Variants in PODN observed in about 807,000 individuals in gnomAD.
PODN encodes podocan, also known as podocan proteoglycan.
A neutral mutation model predicts 52.7 loss-of-function variants in PODN; 40 were observed. The observed-to-expected ratio is 0.76, with a 90% confidence interval of 0.59 to 0.99. The LOEUF (loss-of-function observed/expected upper bound fraction) is 0.99. Ranked by LOEUF, PODN falls within the 50% of genes least tolerant of loss-of-function variation. The pLI, the probability that PODN is intolerant of heterozygous loss-of-function variation, is 0.00. For missense variants in PODN, 720 were observed against 815.1 expected, an observed-to-expected ratio of 0.88 and a Z score of 1.42; for synonymous variants, 396 against 377.9, an observed-to-expected ratio of 1.05 and a Z score of -0.56.
At chr1:53,077,647 C>T in intron 6 of PODN, 38 bp from the exon 7 acceptor site, 1 of 1,572,468 alleles carries the variant, frequency 6.4e-7, no homozygotes, top group Non-Finnish European at 8.7e-7. Context: ...GCCCTCGGCC[C>T]TCCCTCACAA....
chr1:53,082,258 G>A, intron 10 of PODN, 70 bp downstream of exon 10: 1 of 1,402,950 alleles, frequency 7.1e-7, no homozygotes, highest in Non-Finnish European at 9.3e-7. Context: ...CCTGGTAGAG[G>A]GTCTTTCTGT....
intron 1 of PODN, 35 bp downstream of exon 1, chr1:53,062,343 G>A: frequency 1.6e-6 from 2 of 1,230,688 alleles, no homozygotes; most frequent in South Asian, 4.2e-5. Flanking sequence ...GGGCCGAGGG[G>A]CCGGGGGCTG....
chr1:53,071,540 C>T lies in PODN; in HGVS notation c.318C>T (p.Asn106=), dbSNP rs746747876. The T allele has an allele frequency of 6.2e-7, 1 of 1,613,516 alleles. No homozygotes were observed. Among genetic ancestry groups the T allele is most frequent in the African/African-American group, 1.3e-5 (1 of 75,006 alleles). ...GCGGCCCCCTACCCCCCTAGAACAA[C>T]CAGCTGGAAAAGATCTACCCTGAGG... The part of the protein sequence containing the change: ...EHTNHLSLQN[N]QLEKIYPEEL... The change falls in exon 3 of 11, where the codon AAC becomes AAT. Residue 106 remains asparagine (N), a synonymous_variant. Coordinates refer to ENST00000312553, the MANE Select transcript of PODN (RefSeq NM_153703.5).
Position 53,080,895 on chromosome 1 carries a change from C to T in PODN, c.1661+19C>T, listed in dbSNP as rs907501369. ...TTCTCAGGTAGGAGCCCACTCGCGG[C>T]CCTGTACACACCCCCGTGGGGCCCA... On this transcript the variant is annotated intron_variant, in intron 9 of 10. Coordinates refer to ENST00000312553, the MANE Select transcript of PODN (RefSeq NM_153703.5). The T allele has an allele frequency of 6.2e-7, 1 of 1,612,964 alleles. No homozygotes were observed. Among genetic ancestry groups the T allele is most frequent in the Non-Finnish European group, 8.5e-7 (1 of 1,179,712 alleles).
chr1:53,084,285 T>G (rs1288425866), intron 10 of PODN, among the ~76,000 whole-genome samples: 4 of 151,782 alleles, frequency 2.6e-5, no homozygotes, highest in Non-Finnish European at 5.9e-5. Context: ...CTCAGGTCAG[T>G]TGAGTGGGGC....
intron 5 of PODN, among the ~76,000 whole-genome samples, chr1:53,076,543 T>G (rs1366562929): frequency 6.6e-6 from 1 of 152,174 alleles, no homozygotes; most frequent in Admixed American, 6.5e-5. Flanking sequence ...TTGTCTTCCC[T>G]CCTTCTAGTA....
intron 7 of PODN, 99 bp downstream of exon 7, chr1:53,077,899 C>T (rs1644220848): frequency 2.3e-6 from 2 of 871,156 alleles, no homozygotes; most frequent in Admixed American, 2.4e-5. Context: ...CACGCACGTC[C>T]CCTGCCCACC....
intron 1 of PODN, among the ~76,000 whole-genome samples, chr1:53,065,973 C>T (rs1188094493): frequency 6.7e-6 from 1 of 149,844 alleles, no homozygotes; most frequent in Non-Finnish European, 1.5e-5. Flanking sequence ...GCCACATATG[C>T]AATGCAAAAT....
chr1:53,077,181 GA>G lies in PODN; in HGVS notation c.582-8del. 1.2e-6 allele frequency: 2 copies of G among 1,612,576 alleles called. No homozygotes were observed. Among genetic ancestry groups the G allele is most frequent in the African/African-American group, 2.7e-5 (2 of 75,062 alleles). On this transcript the variant is annotated splice_region_variant and splice_polypyrimidine_tract_variant and intron_variant, in intron 5 of 10. Coordinates refer to ENST00000312553, the MANE Select transcript of PODN (RefSeq NM_153703.5). Reference sequence around the variant, plus strand: ...CCAGGTGGGTGAGGACCTGTGCCTTGACCCCCAGGTCTGTGTACCTGCACAA... The same window carrying G: ...CCAGGTGGGTGAGGACCTGTGCCTTGCCCCCAGGTCTGTGTACCTGCACAA...
intron 9 of PODN, among the ~76,000 whole-genome samples, chr1:53,081,294 C>T (rs1644292144): frequency 6.6e-6 from 1 of 152,218 alleles, no homozygotes; most frequent in South Asian, 2.1e-4. Flanking sequence ...TCGGGGGATG[C>T]AGCTCCCTGA....
At chr1:53,074,926 G>A (rs1429047561) in intron 4 of PODN, among the ~76,000 whole-genome samples, 1 of 151,798 alleles carries the variant, frequency 6.6e-6, no homozygotes, top group East Asian at 1.9e-4. Context: ...TGTCCCCACT[G>A]GGGAAGGCAT....
At chr1:53,066,138 G>T (rs1349909190) in intron 1 of PODN, among the ~76,000 whole-genome samples, 1 of 151,564 alleles carries the variant, frequency 6.6e-6, no homozygotes, top group Non-Finnish European at 1.5e-5. Flanking sequence ...TGAGACTACA[G>T]GTGCATGCTA....
At chr1:53,081,730 T>C (rs1288759438) in intron 9 of PODN, among the ~76,000 whole-genome samples, 1 of 152,148 alleles carries the variant, frequency 6.6e-6, no homozygotes, top group Non-Finnish European at 1.5e-5. Flanking sequence ...AGTGAGAGTG[T>C]GCGCAGAGAG....
chr1:53,066,021 G>A (rs12061212), intron 1 of PODN, among the ~76,000 whole-genome samples: 6 of 117,388 alleles, frequency 5.1e-5, no homozygotes, highest in Admixed American at 1.0e-4. Flanking sequence ...TTTTTGAGAC[G>A]GTCTCACTCT....
chr1:53,066,718 T>C (rs1266802252), intron 1 of PODN: 26 of 1,188,180 alleles, frequency 2.2e-5, no homozygotes, highest in South Asian at 2.9e-5. Context: ...GCTGACCCCA[T>C]TGGGCTCAGC....
chr1:53,068,536 T>C (rs1644066111), intron 1 of PODN, among the ~76,000 whole-genome samples: 1 of 152,162 alleles, frequency 6.6e-6, no homozygotes, highest in African/African-American at 2.4e-5. Flanking sequence ...CCTAATTGCA[T>C]CACCTTATCA....
rs748078384 is a variant in PODN, at chr1:53,078,873, G to T, written c.1363G>T (p.Val455Leu). ...ACCTGGGCTGCCTCGAAATGTCCAT[G>T]TGCTGAAGGTCAAGCGCAATGAGCT... ...LPPGLPRNVH[V>L]LKVKRNELAA... The change falls in exon 8 of 11, where the codon GTG becomes TTG. Residue 455 changes from valine to leucine, a missense_variant. Transcript: ENST00000312553. The T allele has an allele frequency of 3.7e-6, 6 of 1,612,350 alleles. No homozygotes were observed. The African/African-American group carries it at 6.7e-5, about 18-fold the overall frequency.
In PODN at chr1:53,069,997, G is replaced by T; in HGVS notation, c.142G>T (p.Glu48Ter). The change falls in exon 2 of 11, where the codon GAG becomes TAG. Residue 48 changes from glutamate (E) to a stop codon, truncating the protein, a stop_gained. Transcript: ENST00000312553. LOFTEE classifies it high-confidence loss of function. ...LSPEENEFAE[E>*]EPVLVLSPEE... ...CCCCGAAGAGAACGAATTTGCGGAG[G>T]AGGAGCCGGTGCTGGTACTGAGCCC... is the stretch of plus-strand genomic sequence containing the variant. 1 of 1,612,346 alleles carries T rather than the reference G, an allele frequency of 6.2e-7. No individual in the cohort carries two copies. Among genetic ancestry groups the T allele is most frequent in the South Asian group, 1.1e-5 (1 of 90,994 alleles).
Position 53,078,932 on chromosome 1 carries a change from G to A in PODN, c.1422G>A (p.Met474Ile). The change falls in exon 8 of 11, where the codon ATG (methionine) becomes ATA (isoleucine). Residue 474 changes from methionine (M) to isoleucine (I), a missense_variant. By Grantham distance (10) the Met-to-Ile change is conservative (BLOSUM62 1). Transcript: ENST00000312553. ...AALARGALVG[M>I]AQLRELYLTS... is the part of the protein sequence containing the mutation. ...TGGCACGAGGGGCGCTGGTGGGCAT[G>A]GCTCAGCTGCGTGAGCTGTACCTCA... The A allele has an allele frequency of 1.3e-6, 2 of 1,590,304 alleles. No individual in the cohort carries two copies. The highest frequency in any genetic ancestry group is 1.7e-6 in the Non-Finnish European group (2 of 1,168,886).
Sources: gnomAD v4.1 joint callset for allele counts (sites outside exome capture counted in the v4.1 genomes callset) on GRCh38, gnomAD v4.1.1 for gene constraint, MANE v1.5 for transcripts, NCBI Gene and HGNC (gene_info 2026-07-23, HGNC 2026-07-21) for gene names.